The following MORC3 variants were observed in gnomAD, a reference collection of about 807,000 sequenced individuals.
MORC3 encodes MORC family CW-type zinc finger 3.
MORC3 carries 31 observed loss-of-function variants against 109.1 expected under a neutral mutation model. The observed-to-expected ratio is 0.28, with a 90% confidence interval of 0.21 to 0.38. MORC3 has a LOEUF of 0.38. MORC3 is among the 10% of genes least tolerant of loss of function. MORC3 has a pLI of 1.00. For synonymous variants in MORC3, 395 were observed against 380.7 expected (o/e 1.04, Z -0.44); for missense variants, 867 against 1,135.8 (o/e 0.76, Z 3.40).
At position 36,356,619 on chromosome 21, in the gene MORC3, G is replaced by T; in HGVS notation, c.1104-1G>T. 6.4e-7 allele frequency: 1 copy of T among 1,563,598 alleles called. No individual in the cohort carries two copies. The highest frequency in any genetic ancestry group is 1.2e-5 in the South Asian group (1 of 83,410). On this transcript the variant is annotated splice_acceptor_variant, in intron 9 of 16. Coordinates refer to ENST00000400485, the MANE Select transcript of MORC3 (RefSeq NM_015358.3). LOFTEE classifies it high-confidence loss of function. ...CTTGATTTTATGATTTACTTTTTAAGACTTACAATAACAGCACTAGGAGAA... is the reference window on the plus strand; with the variant it reads ...CTTGATTTTATGATTTACTTTTTAATACTTACAATAACAGCACTAGGAGAA...
intron 12 of MORC3, chr21:36,360,499 T>G: frequency 1.8e-6 from 1 of 546,670 alleles, no homozygotes; most frequent in South Asian, 2.1e-5. Flanking sequence ...TCTGCTGTTG[T>G]GAGCTGTATG....
rs776539449 is a variant in MORC3, at chr21:36,337,963, GAAAT to G, written c.460+21_460+24del. 3.0e-5 allele frequency: 49 copies of G among 1,607,704 alleles called. No homozygotes were observed. The Middle Eastern group carries it at 5.0e-4, about 16-fold the overall frequency. ...ACAAGCACCATATCCTTTTGGTTGT[GAAAT>G]AAAAGCTGTGGAGAAACTGAAGAAA... On this transcript the variant is annotated intron_variant, in intron 4 of 16. Transcript: ENST00000400485.
rs540159491 is a variant in MORC3, at chr21:36,376,418, A to G, written c.*1122A>G. The G allele has an allele frequency of 6.6e-6, 1 of 152,508 alleles. No homozygotes were observed. Among genetic ancestry groups the G allele is most frequent in the East Asian group, 1.9e-4 (1 of 5,186 alleles). 9.4% of individuals were successfully genotyped at this position (152,508 alleles called of 1,614,324 possible). A position where few individuals can be genotyped will look rare whatever the true frequency, so the allele number is the denominator to read the frequency against. ...TTGTTTTTGAACATTCAATCCGTTC[A>G]TTTTGTATGTATGCTTAATACGTGT... On this transcript the variant is annotated 3_prime_UTR_variant, in exon 17 of 17. Transcript: ENST00000400485.
rs776323179 is a variant in MORC3 at position 36,369,309 on chromosome 21, A to C, written c.1941A>C (p.Leu647Phe). The change falls in exon 15 of 17, where the codon TTA (leucine) becomes TTC (phenylalanine). Residue 647 changes from leucine to phenylalanine, a missense_variant. Transcript: ENST00000400485. ...CTACCCAGACTGAAGTACCAAGTTTAGTTGTTAAAAAAGAAGAAACTGTTG... is the reference window on the plus strand; with the variant it reads ...CTACCCAGACTGAAGTACCAAGTTTCGTTGTTAAAAAAGAAGAAACTGTTG... ...TAATQTEVPSLVVKKEETVED... is the reference protein window; with the variant it reads ...TAATQTEVPSFVVKKEETVED... 6.2e-7 allele frequency: 1 copy of C among 1,614,214 alleles called. No individual in the cohort carries two copies. Among genetic ancestry groups the C allele is most frequent in the Non-Finnish European group, 8.5e-7 (1 of 1,180,048 alleles).
intron 14 of MORC3, among the ~76,000 whole-genome samples, chr21:36,365,486 C>CA (rs1336878240): frequency 1.3e-5 from 2 of 152,138 alleles, no homozygotes; most frequent in African/African-American, 4.8e-5. Flanking sequence ...ATCAAATTCT[C>CA]AAAGGAATTT....
At chr21:36,357,948 C>T (rs2085664592) in intron 10 of MORC3, among the ~76,000 whole-genome samples, 1 of 151,636 alleles carries the variant, frequency 6.6e-6, no homozygotes, top group East Asian at 2.0e-4. Context: ...ACCATGTTGG[C>T]CAGGCTGGTC....
chr21:36,370,983 TCTGA>T (rs1222399928), intron 15 of MORC3, among the ~76,000 whole-genome samples: 1 of 152,076 alleles, frequency 6.6e-6, no homozygotes, highest in Non-Finnish European at 1.5e-5. Flanking sequence ...TTGCTTGTGT[TCTGA>T]CTATCAGAAC....
At position 36,375,855 on chromosome 21, in the gene MORC3, G is replaced by A. The variant is rs1002460525; in HGVS notation, c.*559G>A. The A allele has an allele frequency of 6.6e-6, 1 of 152,254 alleles. No homozygotes were observed. The highest frequency in any genetic ancestry group is 1.5e-5 in the Non-Finnish European group (1 of 68,014). The allele number at this position is 152,254 out of a possible 1,614,324, so 9.4% of individuals were successfully genotyped here. ...GAAATATTTTATTCATGAAAATAAG[G>A]TAAGCAAAAACCAACTCCATTTTGC... On this transcript the variant is annotated 3_prime_UTR_variant, in exon 17 of 17. Transcript: ENST00000400485.
chr21:36,340,062 A>G (rs1434929826), intron 5 of MORC3, among the ~76,000 whole-genome samples: 3 of 152,080 alleles, frequency 2.0e-5, no homozygotes, highest in Non-Finnish European at 4.4e-5. Flanking sequence ...GTGGATCATG[A>G]GGTCAGGAGA....
chr21:36,324,316 C>T (rs1382963409), intron 1 of MORC3, among the ~76,000 whole-genome samples: 15 of 148,304 alleles, frequency 1.0e-4, no homozygotes, highest in Admixed American at 2.0e-4. Flanking sequence ...CTCGCTCTGT[C>T]GTCCAGGCTG....
chr21:36,343,390 G>A (rs1039513622), intron 6 of MORC3, among the ~76,000 whole-genome samples: 8 of 149,932 alleles, frequency 5.3e-5, no homozygotes, highest in Admixed American at 3.3e-4. Flanking sequence ...CACCGTGCCC[G>A]GCCAATATCA....
chr21:36,344,310 G>A (rs1380040848), intron 6 of MORC3, among the ~76,000 whole-genome samples: 1 of 152,016 alleles, frequency 6.6e-6, no homozygotes, highest in Admixed American at 6.6e-5. Context: ...GTGCTGTTTT[G>A]TAATCTTTTT....
At chr21:36,323,000 C>T (rs2085209939) in intron 1 of MORC3, among the ~76,000 whole-genome samples, 1 of 151,888 alleles carries the variant, frequency 6.6e-6, no homozygotes, top group South Asian at 2.1e-4. Flanking sequence ...TTTTGTTTTC[C>T]CTGAAGTTAA....
intron 16 of MORC3, among the ~76,000 whole-genome samples, chr21:36,373,636 AG>A (rs995893163): frequency 5.3e-5 from 8 of 151,916 alleles, no homozygotes; most frequent in African/African-American, 1.7e-4. Context: ...AAAAAAAAAA[AG>A]CTGGTATGGG....
chr21:36,370,601 A>G (rs992864199), intron 15 of MORC3, among the ~76,000 whole-genome samples: 13 of 97,114 alleles, frequency 1.3e-4, no homozygotes, highest in African/African-American at 5.4e-4. Context: ...TTTGATTAAT[A>G]TACATACATA....
chr21:36,369,872 G>A lies in MORC3; in HGVS notation c.2504G>A (p.Ser835Asn), dbSNP rs2085834391. The A allele has an allele frequency of 6.8e-6, 11 of 1,610,002 alleles. No homozygotes were observed. The highest frequency in any genetic ancestry group is 9.3e-6 in the Non-Finnish European group (11 of 1,179,782). ...AGTATTGAGAGGGACCAGTATAAAA[G>A]TGAGGTGAGTTATATCATCCAACAT... Reference protein sequence around the residue: ...KCSIERDQYKSEVELLEMEKS... With the variant: ...KCSIERDQYKNEVELLEMEKS... Residue 835 changes from serine (S) to asparagine (N), a missense_variant, in exon 15 of 17, where the codon AGT becomes AAT. Physicochemically the swap from Ser to Asn is conservative, Grantham distance 46. Coordinates refer to ENST00000400485, the MANE Select transcript of MORC3 (RefSeq NM_015358.3).
In MORC3 at chr21:36,369,631, T is replaced by C. The variant is rs61739929; in HGVS notation, c.2263T>C (p.Leu755=). The C allele has an allele frequency of 0.038, 61,138 of 1,614,200 alleles. 1,483 individuals carry two copies. The highest frequency in any genetic ancestry group is 0.099 in the African/African-American group (7,442 of 75,054). ...HQSTETDAVF[L]LESINGKSES... ...GTCCACTGAAACCGATGCTGTATTT[T>C]TACTTGAAAGTATTAATGGCAAATC... is the stretch of plus-strand genomic sequence containing the variant. The change falls in exon 15 of 17, where the codon TTA becomes CTA. Residue 755 remains leucine (L), a synonymous_variant. Transcript: ENST00000400485.
chr21:36,340,290 A>AAG (rs2085427736), intron 5 of MORC3, among the ~76,000 whole-genome samples: 1 of 151,806 alleles, frequency 6.6e-6, no homozygotes, highest in Non-Finnish European at 1.5e-5. Flanking sequence ...AAAAAAAAAA[A>AAG]AAAACTATAG....
chr21:36,362,133 G>T, intron 12 of MORC3, 50 bp from the exon 13 acceptor site: 3 of 1,586,878 alleles, frequency 1.9e-6, no homozygotes, highest in African/African-American at 1.4e-5. Flanking sequence ...GTATGTCATT[G>T]GGAAATGGGA....
Sources: gnomAD v4.1 joint callset for allele counts (sites outside exome capture counted in the v4.1 genomes callset) on GRCh38, gnomAD v4.1.1 for gene constraint, MANE v1.5 for transcripts, NCBI Gene and HGNC (gene_info 2026-07-23, HGNC 2026-07-21) for gene names.